IRF5: variants seen among roughly 807,000 people sequenced by gnomAD.
The protein encoded by IRF5 is interferon regulatory factor 5.
Under a neutral mutation model 55.1 loss-of-function variants are expected in IRF5, and 24 were observed. The observed-to-expected ratio is 0.44, with a 90% CI of 0.32 to 0.61. The LOEUF (loss-of-function observed/expected upper bound fraction) is 0.61, where lower values mean the gene tolerates loss of function less well. Among genes scored for constraint, IRF5 ranks in the 20% least tolerant of loss-of-function variants. The pLI is 0.07. For missense variants in IRF5, 499 were observed against 658.5 expected (o/e 0.76, Z 2.65); for synonymous variants, 258 against 260.2 (o/e 0.99, Z 0.08).
chr7:128,940,668 G>C (rs555531841), intron 1 of IRF5: 1 of 153,106 alleles, frequency 6.5e-6, no homozygotes, highest in South Asian at 2.1e-4. Flanking sequence ...GTGGAGGCTG[G>C]GGCAGAAAGC....
Position 128,945,738 on chromosome 7 carries a change from T to A in IRF5, c.196-107T>A, listed in dbSNP as rs1012403748. 4 of 1,102,302 alleles carry A rather than the reference T, an allele frequency of 3.6e-6. No individual in the cohort carries two copies. In the Admixed American group the frequency reaches 1.2e-4, roughly 33 times the overall value. 68.3% of individuals were successfully genotyped at this position (1,102,302 alleles called of 1,614,324 possible). On this transcript the variant is annotated intron_variant, in intron 2 of 8. Transcript: ENST00000357234. ...CTGGGGCTCAGCGAGGCTCAGCCTG[T>A]AGCCGAAGTTCTCCCCACACAGTAG...
Position 128,948,692 on chromosome 7 carries a change from A to G in IRF5, c.1419A>G (p.Gln473=). Residue 473 remains glutamine (Q), a synonymous_variant, in exon 9 of 9, where the codon CAA becomes CAG. Transcript: ENST00000357234. This position sits in a 1 kb window ranked among gnomAD's most constrained non-coding sequence, Gnocchi z 4.6. ...ACCTCAAAGACCGCATGGTGGAGCA[A>G]TTCAAGGAGCTCCATCACATCTGGC... ...NPDLKDRMVE[Q]FKELHHIWQS... 17 of 1,614,160 alleles carry G rather than the reference A, an allele frequency of 1.1e-5. No individual in the cohort carries two copies. Among genetic ancestry groups the G allele is most frequent in the Non-Finnish European group, 1.4e-5 (16 of 1,180,026 alleles).
At position 128,947,072 on chromosome 7, in the gene IRF5, G is replaced by A. The variant is rs1796343745; in HGVS notation, c.481+16G>A. 2 of 1,614,008 alleles carry A rather than the reference G, an allele frequency of 1.2e-6. No homozygotes were observed. Among genetic ancestry groups the A allele is most frequent in the African/African-American group, 2.7e-5 (2 of 74,908 alleles). On this transcript the variant is annotated intron_variant, in intron 5 of 8. Coordinates refer to ENST00000357234, the MANE Select transcript of IRF5 (RefSeq NM_001098629.3). The surrounding 1 kb of genome is among the most constrained non-coding windows in gnomAD (Gnocchi z 6.5). ...AGCCTCACAGGTGGGGCCGGGAGGT[G>A]GTGGTTGGGGGTCTAGTATACAGAG...
chr7:128,945,245 T>C (rs1162931794), intron 2 of IRF5, among the ~76,000 whole-genome samples: 2 of 152,194 alleles, frequency 1.3e-5, no homozygotes, highest in Non-Finnish European at 2.9e-5. Flanking sequence ...CCTGAGTAGC[T>C]GGGACCACAG....
Position 128,947,252 on chromosome 7 carries a change from C to T in IRF5, c.504C>T (p.His168=). The T allele has an allele frequency of 6.2e-7, 1 of 1,608,386 alleles. No homozygotes were observed. The highest frequency in any genetic ancestry group is 2.2e-5 in the East Asian group (1 of 44,808). Residue 168 remains histidine (H), a synonymous_variant, in exon 6 of 9, where the codon CAC becomes CAT. Transcript: ENST00000357234. This position sits in a 1 kb window ranked among gnomAD's most constrained non-coding sequence, Gnocchi z 6.5. ...SLTDAVQSGP[H]MTPYSLLKED... is the part of the protein sequence containing the mutation. ...TAGATGCAGTGCAGTCTGGCCCCCA[C>T]ATGACACCCTATTCTTTACTCAAAG...
At position 128,946,032 on chromosome 7, in the gene IRF5, C is replaced by T; in HGVS notation, c.383C>T (p.Thr128Ile). ...GTCTGCTCCAATGGCCCTGCTCCCACAGGTATCAGGCCTAGCCCTCTGTGG... is the reference window on the plus strand; with the variant it reads ...GTCTGCTCCAATGGCCCTGCTCCCATAGGTATCAGGCCTAGCCCTCTGTGG... ...YEVCSNGPAP[T>I]DSQPPEDYSF... Residue 128 changes from threonine (T) to isoleucine (I), a missense_variant and splice_region_variant, in exon 3 of 9, where the codon ACA becomes ATA. By Grantham distance (89) the Thr-to-Ile change is moderately conservative. Around this residue, in one of 2 missense-constraint regions of IRF5, gnomAD observed 305 missense variants for 340.2 expected, o/e 0.90. Coordinates refer to ENST00000357234, the MANE Select transcript of IRF5 (RefSeq NM_001098629.3). The surrounding 1 kb of genome is among the most constrained non-coding windows in gnomAD (Gnocchi z 4.2). 6.3e-7 allele frequency: 1 copy of T among 1,599,352 alleles called. No individual in the cohort carries two copies. The highest frequency in any genetic ancestry group is 8.5e-7 in the Non-Finnish European group (1 of 1,174,732).
rs1796321357 is a variant in IRF5, at chr7:128,946,649, A to G, written c.447+87A>G. On this transcript the variant is annotated intron_variant, in intron 4 of 8. Coordinates refer to ENST00000357234, the MANE Select transcript of IRF5 (RefSeq NM_001098629.3). The surrounding 1 kb of genome is among the most constrained non-coding windows in gnomAD (Gnocchi z 4.2). The stretch of plus-strand genomic sequence containing the variant: ...CTTAGGTTTCCGCAGCCCCACTCCC[A>G]TGGAGCCCCGTGGCCCTCTCAATAG... The G allele has an allele frequency of 6.8e-6, 6 of 876,792 alleles. No individual in the cohort carries two copies. Among genetic ancestry groups the G allele is most frequent in the Non-Finnish European group, 1.1e-5 (6 of 542,988 alleles). The allele number at this position is 876,792 out of a possible 1,614,324, so 54.3% of individuals were successfully genotyped here.
chr7:128,948,952 C>A lies in IRF5; in HGVS notation c.*134C>A. 2 of 1,122,804 alleles carry A rather than the reference C, an allele frequency of 1.8e-6. No individual in the cohort carries two copies. The highest frequency in any genetic ancestry group is 2.5e-6 in the Non-Finnish European group (2 of 805,600). 69.6% of individuals were successfully genotyped at this position (1,122,804 alleles called of 1,614,324 possible). On this transcript the variant is annotated 3_prime_UTR_variant, in exon 9 of 9. Transcript: ENST00000357234. This position sits in a 1 kb window ranked among gnomAD's most constrained non-coding sequence, Gnocchi z 4.6. ...GGGTTTCCTGGAAGTGGATTTGGGCCAAGAAGGAGAGGGAGAAAGGCCCGA... is the reference window on the plus strand; with the variant it reads ...GGGTTTCCTGGAAGTGGATTTGGGCAAAGAAGGAGAGGGAGAAAGGCCCGA...
At position 128,947,215 on chromosome 7, in the gene IRF5, A is replaced by G. The variant is rs1244210579; in HGVS notation, c.482-15A>G. 5.6e-6 allele frequency: 9 copies of G among 1,598,648 alleles called. No homozygotes were observed. The Admixed American group carries it at 1.4e-4, about 24-fold the overall frequency. ...GGAGGTGGCACTGACAGCCGTCCACACGCACTCTCTGTAGATGCAGTGCAG... is the reference window on the plus strand; with the variant it reads ...GGAGGTGGCACTGACAGCCGTCCACGCGCACTCTCTGTAGATGCAGTGCAG... On this transcript the variant is annotated splice_polypyrimidine_tract_variant and intron_variant, in intron 5 of 8. Transcript: ENST00000357234. The surrounding 1 kb of genome is among the most constrained non-coding windows in gnomAD (Gnocchi z 6.5).
In IRF5 at chr7:128,948,482, A is replaced by G. The variant is rs1024497105; in HGVS notation, c.1300-91A>G. The G allele has an allele frequency of 6.4e-7, 1 of 1,552,548 alleles. No homozygotes were observed. Among genetic ancestry groups the G allele is most frequent in the Non-Finnish European group, 8.8e-7 (1 of 1,142,140 alleles). On this transcript the variant is annotated intron_variant, in intron 8 of 8. Transcript: ENST00000357234. The surrounding 1 kb of genome is among the most constrained non-coding windows in gnomAD (Gnocchi z 4.6). Reference sequence around the variant, plus strand: ...GGCTCAGAGCCGGAGAATGCGGTCTATTACTCACCCCTGATGGCTGTCCTC... The same window carrying G: ...GGCTCAGAGCCGGAGAATGCGGTCTGTTACTCACCCCTGATGGCTGTCCTC...
intron 1 of IRF5, 72 bp from the exon 2 acceptor site, chr7:128,941,999 C>T: frequency 1.7e-6 from 2 of 1,191,968 alleles, no homozygotes; most frequent in Non-Finnish European, 2.4e-6. Context: ...TGGTCCATAG[C>T]TTGACCTCTG....
intron 1 of IRF5, 43 bp downstream of exon 1, chr7:128,938,092 GGC>G (rs1795831008): frequency 6.6e-6 from 1 of 152,142 alleles, no homozygotes; most frequent in Non-Finnish European, 1.5e-5. Flanking sequence ...GTCCGCGCCC[GGC>G]GCGCCCCGAG....
At position 128,945,831 on chromosome 7, in the gene IRF5, T is replaced by G. The variant is rs1349432349; in HGVS notation, c.196-14T>G. ...ATGAGGTTCTCTGTGGTCGGCTATT[T>G]CTTCCTGCCCCAGGCCTGGGCCAAG... On this transcript the variant is annotated splice_polypyrimidine_tract_variant and intron_variant, in intron 2 of 8. Transcript: ENST00000357234. 23 of 1,593,530 alleles carry G rather than the reference T, an allele frequency of 1.4e-5. No homozygotes were observed. The highest frequency in any genetic ancestry group is 1.9e-5 in the Non-Finnish European group (22 of 1,174,468).
rs1796271619 is a variant in IRF5, at chr7:128,945,842, C to T, written c.196-3C>T. ...TGTGGTCGGCTATTTCTTCCTGCCC[C>T]AGGCCTGGGCCAAGGAGACAGGGAA... On this transcript the variant is annotated splice_region_variant and splice_polypyrimidine_tract_variant and intron_variant, in intron 2 of 8. Transcript: ENST00000357234. 6.2e-7 allele frequency: 1 copy of T among 1,603,232 alleles called. No homozygotes were observed. Among genetic ancestry groups the T allele is most frequent in the Non-Finnish European group, 8.5e-7 (1 of 1,177,154 alleles).
intron 2 of IRF5, among the ~76,000 whole-genome samples, chr7:128,945,303 G>A (rs183073120): frequency 4.6e-5 from 7 of 152,210 alleles, no homozygotes; most frequent in South Asian, 2.1e-4. Flanking sequence ...CAGGAGTCTC[G>A]TTATGTTGCC....
intron 2 of IRF5, among the ~76,000 whole-genome samples, chr7:128,944,148 A>G (rs1796184452): frequency 1.3e-5 from 2 of 152,214 alleles, no homozygotes; most frequent in South Asian, 2.1e-4. Context: ...TTTTCACCCA[A>G]TATCAGGATC....
At chr7:128,938,599 G>C (rs551010123) in intron 1 of IRF5, among the ~76,000 whole-genome samples, 12 of 152,348 alleles carry the variant, frequency 7.9e-5, no homozygotes, top group Admixed American at 3.3e-4. Flanking sequence ...CAGGAACTGT[G>C]CAAGAGTTTG....
Position 128,946,160 on chromosome 7 carries a change from G to A in IRF5, c.385+126G>A, listed in dbSNP as rs1488214010. ...CAGGCAGTGGTCCAGGAAACGATGC[G>A]GGGGCTCCCGCTAGGTCATGACACC... On this transcript the variant is annotated intron_variant, in intron 3 of 8. Coordinates refer to ENST00000357234, the MANE Select transcript of IRF5 (RefSeq NM_001098629.3). This position sits in a 1 kb window ranked among gnomAD's most constrained non-coding sequence, Gnocchi z 4.2. 12 of 913,034 alleles carry A rather than the reference G, an allele frequency of 1.3e-5. No individual in the cohort carries two copies. The East Asian group carries it at 2.4e-4, about 19-fold the overall frequency. The allele number at this position is 913,034 out of a possible 1,614,324, so 56.6% of individuals were successfully genotyped here.
At chr7:128,939,376 T>G (rs1009851381) in intron 1 of IRF5, among the ~76,000 whole-genome samples, 5 of 152,220 alleles carry the variant, frequency 3.3e-5, no homozygotes, top group African/African-American at 1.2e-4. Context: ...TGAAAGAAGC[T>G]TCTTTCTGGG....
Sources: gnomAD v4.1 joint callset for allele counts (sites outside exome capture counted in the v4.1 genomes callset) on GRCh38, gnomAD v4.1.1 for gene constraint, gnomAD v4.1.1 regional missense constraint, Gnocchi (gnomAD v3.1) non-coding constraint, MANE v1.5 for transcripts, NCBI Gene and HGNC (gene_info 2026-07-23, HGNC 2026-07-21) for gene names.